Variants in SSBP2 observed in about 807,000 individuals in gnomAD.
SSBP2 encodes single-stranded DNA-binding protein 2.
SSBP2 carries 17 observed loss-of-function variants against 61.8 expected under a neutral mutation model. That is an observed-to-expected ratio of 0.28 (90% CI 0.19 to 0.41). The LOEUF (loss-of-function observed/expected upper bound fraction) is 0.41, where lower values mean the gene tolerates loss of function less well. Among genes scored for constraint, SSBP2 ranks in the 10% least tolerant of loss-of-function variants. The probability of loss-of-function intolerance (pLI) is 1.00; values close to 1 mark genes in which losing one functional copy is unlikely to be tolerated. For synonymous variants in SSBP2, 139 were observed against 141.3 expected, an observed-to-expected ratio of 0.98 and a Z score of 0.12; for missense variants, 310 against 458.7, an observed-to-expected ratio of 0.68 and a Z score of 2.96.
At position 81,513,647 on chromosome 5, in the gene SSBP2, A is replaced by G; in HGVS notation, c.353T>C (p.Val118Ala). ...GAGTACCTGAAAGAACCCTGGTGGT[A>G]CAGGACCTACTGGCATGCCATCTCC... The change falls in exon 5 of 17, where the codon GTA (valine) becomes GCA (alanine). Residue 118 changes from valine to alanine, a missense_variant. Coordinates refer to ENST00000320672, the MANE Select transcript of SSBP2 (RefSeq NM_012446.5). The G allele has an allele frequency of 6.2e-7, 1 of 1,611,640 alleles. No individual in the cohort carries two copies. Among genetic ancestry groups the G allele is most frequent in the Non-Finnish European group, 8.5e-7 (1 of 1,177,990 alleles).
intron 5 of SSBP2, among the ~76,000 whole-genome samples, chr5:81,490,845 C>T (rs144810430): frequency 6.6e-6 from 1 of 152,142 alleles, no homozygotes; most frequent in Admixed American, 6.5e-5. Context: ...TTTATATGGA[C>T]AGAAACAGTA....
Position 81,645,603 on chromosome 5 carries a change from C to T in SSBP2, c.135+4664G>A, listed in dbSNP as rs554100396. Among the ~76,000 whole-genome samples, 10 of 152,120 alleles carry T rather than the reference C, an allele frequency of 6.6e-5. No individual in the cohort carries two copies. The East Asian group carries it at 7.7e-4, about 12-fold the overall frequency. On this transcript the variant is annotated intron_variant, in intron 2 of 16. Coordinates refer to ENST00000320672, the MANE Select transcript of SSBP2 (RefSeq NM_012446.5). ...AAGAGCAGCCATTATCTTTGTATAA[C>T]GAAATGATATGACCAGAAAAAGGAT... is the stretch of plus-strand genomic sequence containing the variant.
At chr5:81,591,552 A>G (rs2153517342) in intron 4 of SSBP2, among the ~76,000 whole-genome samples, 1 of 152,322 alleles carries the variant, frequency 6.6e-6, no homozygotes, top group Non-Finnish European at 1.5e-5. Flanking sequence ...GTGGACCACA[A>G]GCATGAAAAA....
chr5:81,524,711 T>C (rs1410152026), intron 4 of SSBP2, among the ~76,000 whole-genome samples: 6 of 152,080 alleles, frequency 3.9e-5, no homozygotes, highest in Non-Finnish European at 1.5e-5. Context: ...GTGGTTCCCC[T>C]GGTCTCATAG....
chr5:81,568,844 A>G (rs1049392079), intron 4 of SSBP2, among the ~76,000 whole-genome samples: 1 of 152,232 alleles, frequency 6.6e-6, no homozygotes, highest in Non-Finnish European at 1.5e-5. Context: ...GCTTGTAGGA[A>G]AGTCTGTTAG....
At chr5:81,433,685 A>G (rs1762488573) in intron 15 of SSBP2, among the ~76,000 whole-genome samples, 1 of 152,224 alleles carries the variant, frequency 6.6e-6, no homozygotes, top group Non-Finnish European at 1.5e-5. Flanking sequence ...TTCATTGATT[A>G]AATGGGTGAC....
In SSBP2 at chr5:81,714,534, T is replaced by G. The variant is rs557374244; in HGVS notation, c.62+36447A>C. On this transcript the variant is annotated intron_variant, in intron 1 of 16. Transcript: ENST00000320672. ...TACACTCCCAACAGTGTAAAAGTGT[T>G]CCTATTTCTCCACATCCTCTCCAGC... 1.3e-4 allele frequency among the ~76,000 whole-genome samples: 20 copies of G among 152,330 alleles called. No homozygotes were observed. In the East Asian group the frequency reaches 3.9e-3, roughly 29 times the overall value.
chr5:81,748,501 T>C (rs1561756692), intron 1 of SSBP2, among the ~76,000 whole-genome samples: 2 of 151,804 alleles, frequency 1.3e-5, no homozygotes, highest in Non-Finnish European at 2.9e-5. Flanking sequence ...CCCACCAAGA[T>C]GAAATTAAGT....
chr5:81,507,806 T>G (rs534911434), intron 5 of SSBP2, among the ~76,000 whole-genome samples: 5 of 152,280 alleles, frequency 3.3e-5, no homozygotes, highest in African/African-American at 1.2e-4. Flanking sequence ...CCTTGTTACT[T>G]ACTCATCCAT....
At chr5:81,747,144 T>TA (rs1382866219) in intron 1 of SSBP2, among the ~76,000 whole-genome samples, 2 of 151,902 alleles carry the variant, frequency 1.3e-5, no homozygotes, top group African/African-American at 4.8e-5. Context: ...GGTGCACCAG[T>TA]GGTTAAGACT....
chr5:81,631,606 G>A (rs1415328027), intron 3 of SSBP2, among the ~76,000 whole-genome samples: 3 of 151,976 alleles, frequency 2.0e-5, no homozygotes, highest in Non-Finnish European at 4.4e-5. Flanking sequence ...ATATTAACTA[G>A]GATTTAAACA....
chr5:81,499,042 A>G (rs569615958), intron 5 of SSBP2, among the ~76,000 whole-genome samples: 6 of 152,284 alleles, frequency 3.9e-5, no homozygotes, highest in African/African-American at 1.4e-4. Context: ...TCTCCATCAG[A>G]CATTACTGAC....
intron 5 of SSBP2, among the ~76,000 whole-genome samples, chr5:81,509,583 A>G (rs1451483370): frequency 6.6e-6 from 1 of 152,188 alleles, no homozygotes; most frequent in Non-Finnish European, 1.5e-5. Flanking sequence ...AGATAATAAT[A>G]TAATATGTCT....
At chr5:81,466,412 C>T (rs918955902) in intron 9 of SSBP2, among the ~76,000 whole-genome samples, 2 of 151,990 alleles carry the variant, frequency 1.3e-5, no homozygotes, top group Admixed American at 6.6e-5. Context: ...CAAAATTCAT[C>T]CTACGCTACG....
intron 4 of SSBP2, among the ~76,000 whole-genome samples, chr5:81,531,800 T>C (rs1770430154): frequency 6.6e-6 from 1 of 151,874 alleles, no homozygotes; most frequent in Non-Finnish European, 1.5e-5. Flanking sequence ...GAGATCAGGG[T>C]CCCTAAGAAA....
chr5:81,526,618 G>A (rs1222981001), intron 4 of SSBP2, among the ~76,000 whole-genome samples: 1 of 151,916 alleles, frequency 6.6e-6, no homozygotes, highest in African/African-American at 2.4e-5. Context: ...ATTAAAAAAT[G>A]ATATAATTGA....
intron 3 of SSBP2, among the ~76,000 whole-genome samples, chr5:81,631,237 T>C (rs765115294): frequency 3.3e-5 from 5 of 152,130 alleles, no homozygotes; most frequent in Non-Finnish European, 7.3e-5. Context: ...CTGCCCTACA[T>C]ATGTGAGACA....
intron 4 of SSBP2, among the ~76,000 whole-genome samples, chr5:81,590,598 T>C (rs1703047895): frequency 1.3e-5 from 2 of 152,166 alleles, no homozygotes; most frequent in Non-Finnish European, 2.9e-5. Context: ...GGAATGCTCG[T>C]CCATTCACAG....
chr5:81,437,640 G>T, intron 14 of SSBP2, 182 bp from the exon 15 acceptor site: 1 of 420,274 alleles, frequency 2.4e-6, no homozygotes, highest in Non-Finnish European at 4.3e-6. Context: ...ACCATCTGAT[G>T]GAAAATGCAA....
Sources: gnomAD v4.1 joint callset for allele counts (sites outside exome capture counted in the v4.1 genomes callset) on GRCh38, gnomAD v4.1.1 for gene constraint, MANE v1.5 for transcripts, NCBI Gene and HGNC (gene_info 2026-07-23, HGNC 2026-07-21) for gene names.